The following SHISA9 variants were observed in gnomAD, a reference collection of about 807,000 sequenced individuals.
SHISA9 encodes protein shisa-9.
Under a neutral mutation model 38.0 loss-of-function variants are expected in SHISA9, and 13 were observed. That is an observed-to-expected ratio of 0.34 (90% CI 0.22 to 0.54). The LOEUF is 0.54. Among genes scored for constraint, SHISA9 ranks in the 20% least tolerant of loss-of-function variants. The pLI is 0.91. For missense variants in SHISA9, 538 were observed against 575.8 expected, an observed-to-expected ratio of 0.93 and a Z score of 0.67; for synonymous variants, 275 against 242.0, an observed-to-expected ratio of 1.14 and a Z score of -1.27.
chr16:12,920,019 C>T (rs72782639), intron 2 of SHISA9, among the ~76,000 whole-genome samples: 1 of 152,330 alleles, frequency 6.6e-6, no homozygotes, highest in Non-Finnish European at 1.5e-5. Flanking sequence ...ACCCCTCTCC[C>T]CCTTTCGGGG....
chr16:13,337,392 C>T, the SHISA9 span, among the ~76,000 whole-genome samples: 1 of 152,088 alleles, frequency 6.6e-6, no homozygotes, highest in South Asian at 2.1e-4. Flanking sequence ...TGAGACGTGC[C>T]TTTCACCTTC....
downstream of SHISA9, among the ~76,000 whole-genome samples, chr16:13,243,093 G>C (rs2051446733): frequency 6.6e-6 from 1 of 152,042 alleles, no homozygotes; most frequent in African/African-American, 2.4e-5. Flanking sequence ...ACAAAAATTA[G>C]CCTGGTGTGG....
At chr16:13,333,199 T>A in the SHISA9 span, among the ~76,000 whole-genome samples, 1 of 152,168 alleles carries the variant, frequency 6.6e-6, no homozygotes, top group Non-Finnish European at 1.5e-5. Context: ...AAACACTCCA[T>A]CTTCTCTCTT....
At chr16:13,211,235 G>A (rs936797974) in intron 3 of SHISA9, among the ~76,000 whole-genome samples, 1 of 151,950 alleles carries the variant, frequency 6.6e-6, no homozygotes, top group Non-Finnish European at 1.5e-5. Context: ...GGGCAGTGGG[G>A]GTGGAGGTTC....
chr16:13,127,935 G>A (rs2050275243), intron 2 of SHISA9, among the ~76,000 whole-genome samples: 1 of 152,174 alleles, frequency 6.6e-6, no homozygotes, highest in African/African-American at 2.4e-5. Context: ...AGCCCTTCCA[G>A]TTCTAAGCAC....
the SHISA9 span, among the ~76,000 whole-genome samples, chr16:13,248,656 A>T: frequency 6.6e-6 from 1 of 152,198 alleles, no homozygotes; most frequent in African/African-American, 2.4e-5. Context: ...ATGTTCAACA[A>T]ACTTGGGCTT....
At chr16:13,532,895 C>T in the SHISA9 span, among the ~76,000 whole-genome samples, 1 of 152,134 alleles carries the variant, frequency 6.6e-6, no homozygotes, top group East Asian at 1.9e-4. Flanking sequence ...CTAATATCCA[C>T]ATAAATTATC....
chr16:12,982,882 C>A (rs1410173265), intron 2 of SHISA9, among the ~76,000 whole-genome samples: 1 of 152,188 alleles, frequency 6.6e-6, no homozygotes, highest in African/African-American at 2.4e-5. Flanking sequence ...AGTTTCCTTA[C>A]TCACACGCTC....
intron 2 of SHISA9, among the ~76,000 whole-genome samples, chr16:13,172,670 C>T (rs1438702): frequency 0.022 from 3,307 of 151,544 alleles, 124 homozygotes; most frequent in African/African-American, 0.076. Context: ...CCTGGTTTCG[C>T]GTCTGTTTAG....
the SHISA9 span, among the ~76,000 whole-genome samples, chr16:13,469,804 C>T: frequency 6.9e-6 from 1 of 145,286 alleles, no homozygotes; most frequent in Non-Finnish European, 1.5e-5. Flanking sequence ...GAGGTATCTA[C>T]CTGCTGGGTT....
At position 13,020,656 on chromosome 16, in the gene SHISA9, A is replaced by G. The variant is rs1281231185; in HGVS notation, c.691+103841A>G. On this transcript the variant is annotated intron_variant, in intron 2 of 4. Coordinates refer to ENST00000558583, the MANE Select transcript of SHISA9 (RefSeq NM_001145204.3). ...TACAGGGGACCCAATGTTTCCATCC[A>G]TAATAATATGGCACTCAAGATGTAT... 4.6e-5 allele frequency among the ~76,000 whole-genome samples: 7 copies of G among 152,330 alleles called. No individual in the cohort carries two copies. The South Asian group carries it at 1.2e-3, about 27-fold the overall frequency.
At chr16:13,410,607 CA>C in the SHISA9 span, among the ~76,000 whole-genome samples, 2 of 150,230 alleles carry the variant, frequency 1.3e-5, no homozygotes, top group East Asian at 1.9e-4. Context: ...ATGCCAAAAA[CA>C]AAAAAAAAGT....
chr16:13,203,653 C>G, intron 3 of SHISA9, 104 bp downstream of exon 3: 1 of 1,242,334 alleles, frequency 8.0e-7, no homozygotes, highest in Non-Finnish European at 1.1e-6. Context: ...ATTCCTTTTT[C>G]TAGCTCTCTT....
intron 2 of SHISA9, among the ~76,000 whole-genome samples, chr16:12,971,929 C>A (rs987244225): frequency 2.0e-5 from 3 of 151,972 alleles, no homozygotes; most frequent in African/African-American, 4.8e-5. Flanking sequence ...GCATTGTAGT[C>A]TAATTAGTCC....
chr16:13,226,695 G>C (rs1281479622), intron 4 of SHISA9, among the ~76,000 whole-genome samples: 2 of 152,204 alleles, frequency 1.3e-5, no homozygotes, highest in African/African-American at 4.8e-5. Flanking sequence ...CTCTCAGTTG[G>C]ATTTTCTTGG....
At chr16:13,518,814 A>T in the SHISA9 span, among the ~76,000 whole-genome samples, 2 of 152,256 alleles carry the variant, frequency 1.3e-5, no homozygotes, top group Non-Finnish European at 2.9e-5. Context: ...GTTCGAGGTT[A>T]GGAAGTCCAA....
chr16:13,031,737 C>G (rs2072993710), intron 2 of SHISA9, among the ~76,000 whole-genome samples: 1 of 152,194 alleles, frequency 6.6e-6, no homozygotes, highest in South Asian at 2.1e-4. Flanking sequence ...TGAGACAGTT[C>G]TGTTACAGTA....
intron 2 of SHISA9, among the ~76,000 whole-genome samples, chr16:13,076,029 ATTT>A (rs35313169): frequency 3.0e-5 from 4 of 135,432 alleles, no homozygotes; most frequent in Non-Finnish European, 3.2e-5. Context: ...TGAGAAATAG[ATTT>A]TTTTTTTTTT....
At position 13,068,871 on chromosome 16, in the gene SHISA9, G is replaced by A. The variant is rs986090798; in HGVS notation, c.692-134523G>A. The stretch of plus-strand genomic sequence containing the variant: ...ATATATATGCATACATGCAATGTGT[G>A]TATGTGTATTCATGTGTGTACATGG... On this transcript the variant is annotated intron_variant, in intron 2 of 4. Transcript: ENST00000558583. Among the ~76,000 whole-genome samples the A allele has an allele frequency of 6.6e-5, 9 of 137,132 alleles. 1 individual carries two copies. The highest frequency in any genetic ancestry group is 4.8e-4 in the Admixed American group (7 of 14,704). 90.0% of individuals were successfully genotyped at this position (137,132 alleles called of 152,430 possible).
Sources: gnomAD v4.1 joint callset for allele counts (sites outside exome capture counted in the v4.1 genomes callset) on GRCh38, gnomAD v4.1.1 for gene constraint, MANE v1.5 for transcripts, NCBI Gene and HGNC (gene_info 2026-07-23, HGNC 2026-07-21) for gene names.